The following PC variants were observed in gnomAD, a reference collection of about 807,000 sequenced individuals.
PC encodes pyruvate carboxylase, also known as pyruvate carboxylase, mitochondrial.
In PC, 46 loss-of-function variants were observed where a neutral mutation model predicts 107.8. That is an observed-to-expected ratio of 0.43 (90% CI 0.34 to 0.55). PC has a LOEUF of 0.55. PC is among the 20% of genes least tolerant of loss of function. The pLI is 0.04. For synonymous variants in PC, 662 were observed against 684.7 expected (o/e 0.97, Z 0.52); for missense variants, 1,241 against 1,643.1 (o/e 0.76, Z 4.23).
intron 3 of PC, among the ~76,000 whole-genome samples, chr11:66,906,913 G>C (rs566565267): frequency 2.0e-5 from 3 of 152,176 alleles, no homozygotes; most frequent in Non-Finnish European, 4.4e-5. Context: ...CTGCACTGCT[G>C]TCTGGGAGGT....
intron 1 of PC, among the ~76,000 whole-genome samples, chr11:66,955,243 G>A (rs967288516): frequency 3.3e-5 from 5 of 152,214 alleles, no homozygotes; most frequent in Admixed American, 2.6e-4. Context: ...GGGAACTGTG[G>A]CTTGGGATAA....
At chr11:66,955,635 C>G (rs534382609) in intron 1 of PC, among the ~76,000 whole-genome samples, 16 of 152,288 alleles carry the variant, frequency 1.1e-4, no homozygotes, top group African/African-American at 3.1e-4. Flanking sequence ...TCCCTAAGAG[C>G]AGGGCACAGC....
At position 66,866,148 on chromosome 11, in the gene PC, A is replaced by G. The variant is rs1485805360; in HGVS notation, c.1185+39T>C. 6.3e-7 allele frequency: 1 copy of G among 1,595,860 alleles called. No homozygotes were observed. On this transcript the variant is annotated intron_variant, in intron 11 of 22. Coordinates refer to ENST00000393960, the MANE Select transcript of PC (RefSeq NM_001040716.2). The surrounding 1 kb of genome is among the most constrained non-coding windows in gnomAD (Gnocchi z 5.4). ...CAGGCACCAGGCAGAACCTGTGCAC[A>G]GGTGAGCTGGCATCTCCCTCTGCTC...
chr11:66,862,825 G>A (rs1437571105), intron 12 of PC, among the ~76,000 whole-genome samples: 2 of 152,180 alleles, frequency 1.3e-5, no homozygotes, highest in Non-Finnish European at 2.9e-5. Flanking sequence ...AAGACAAGCC[G>A]AGCTGCCAGC....
At chr11:66,892,854 C>CAAA (rs36052850) in intron 3 of PC, among the ~76,000 whole-genome samples, 12 of 133,360 alleles carry the variant, frequency 9.0e-5, no homozygotes, top group African/African-American at 2.8e-4. Context: ...GACTCCATCT[C>CAAA]AAAAAAAAAA....
At position 66,857,393 on chromosome 11, in the gene PC, A is replaced by C; in HGVS notation, c.1369-4010T>G. 3.5e-5 allele frequency: 8 copies of C among 231,872 alleles called. No individual in the cohort carries two copies. Among genetic ancestry groups the C allele is most frequent in the East Asian group, 8.8e-5 (1 of 11,354 alleles). 14.4% of individuals were successfully genotyped at this position (231,872 alleles called of 1,614,324 possible). ...GGCGCCTTCTCTGGCGGGGGAGGGT[A>C]TGGCGGGGAGTGGGGAGGCGGCTGG... is the stretch of plus-strand genomic sequence containing the variant. On this transcript the variant is annotated intron_variant, in intron 12 of 22. Coordinates refer to ENST00000393960, the MANE Select transcript of PC (RefSeq NM_001040716.2). The surrounding 1 kb of genome is among the most constrained non-coding windows in gnomAD (Gnocchi z 7.1).
rs752420546 is a variant in PC at position 66,858,670 on chromosome 11, C to A, written c.1368+5104G>T. ...CGGTGCCGGGCCCTGGGTGACCCCG[C>A]GCCTACCATGCACTGGGTCGGTCCT... On this transcript the variant is annotated intron_variant, in intron 12 of 22. Transcript: ENST00000393960. This position sits in a 1 kb window ranked among gnomAD's most constrained non-coding sequence, Gnocchi z 5.9. 6.5e-7 allele frequency: 1 copy of A among 1,545,068 alleles called. No homozygotes were observed. Among genetic ancestry groups the A allele is most frequent in the African/African-American group, 1.4e-5 (1 of 73,238 alleles).
At chr11:66,908,414 C>A (rs970042068) in intron 3 of PC, among the ~76,000 whole-genome samples, 1 of 152,020 alleles carries the variant, frequency 6.6e-6, no homozygotes, top group Non-Finnish European at 1.5e-5. Flanking sequence ...GAGCTGGTGA[C>A]CCAGTACGAT....
chr11:66,905,001 T>C (rs1351539374), intron 3 of PC, among the ~76,000 whole-genome samples: 2 of 152,230 alleles, frequency 1.3e-5, no homozygotes, highest in Non-Finnish European at 2.9e-5. Context: ...TTTCAGAAAC[T>C]GTAAACCACA....
chr11:66,921,050 T>C (rs1026095666), intron 3 of PC, among the ~76,000 whole-genome samples: 2 of 150,112 alleles, frequency 1.3e-5, no homozygotes, highest in South Asian at 2.1e-4. Context: ...AGAACAGAAA[T>C]ACAGGCATGA....
In PC at chr11:66,858,904, C is replaced by T. The variant is rs201895033; in HGVS notation, c.1368+4870G>A. On this transcript the variant is annotated intron_variant, in intron 12 of 22. Transcript: ENST00000393960. This position sits in a 1 kb window ranked among gnomAD's most constrained non-coding sequence, Gnocchi z 5.9. ...GCCGAGGGGGGCCGCCCCGGGCCCT[C>T]GGACATCGCCGCCTCCGCTCGCACT... The T allele has an allele frequency of 1.0e-4, 161 of 1,562,480 alleles. 3 individuals are homozygous for T. The highest frequency in any genetic ancestry group is 1.0e-3 in the South Asian group (85 of 85,326).
rs1297692786 is a variant in PC at position 66,858,145 on chromosome 11, G to A, written c.1369-4762C>T. ...ATCCTCAGCGGCAACCAGCTGGGCC[G>A]CATCGCGCCGGGAGCCTTCGACGAC... is the stretch of plus-strand genomic sequence containing the variant. On this transcript the variant is annotated intron_variant, in intron 12 of 22. Transcript: ENST00000393960. This position sits in a 1 kb window ranked among gnomAD's most constrained non-coding sequence, Gnocchi z 5.9. 5 of 1,610,260 alleles carry A rather than the reference G, an allele frequency of 3.1e-6. No individual in the cohort carries two copies. Among genetic ancestry groups the A allele is most frequent in the Middle Eastern group, 1.6e-4 (1 of 6,078 alleles).
At chr11:66,862,151 G>A (rs899987346) in intron 12 of PC, among the ~76,000 whole-genome samples, 1 of 152,170 alleles carries the variant, frequency 6.6e-6, no homozygotes, top group Non-Finnish European at 1.5e-5. Context: ...ACCAGGAGCC[G>A]CAGCAAGGTG....
chr11:66,853,083 G>T, intron 13 of PC, 156 bp downstream of exon 13: 1 of 815,166 alleles, frequency 1.2e-6, no homozygotes. Flanking sequence ...ATGGCAGGGT[G>T]CAGGACAAGA....
In PC at chr11:66,848,889, T is replaced by C; in HGVS notation, c.*10A>G. 6.2e-7 allele frequency: 1 copy of C among 1,613,708 alleles called. No homozygotes were observed. The highest frequency in any genetic ancestry group is 8.5e-7 in the Non-Finnish European group (1 of 1,180,020). ...CTTGGGGATGGCCAGGCTGCCGGTC[T>C]GGGGCAAGATCACTCGATCTCCAGG... On this transcript the variant is annotated 3_prime_UTR_variant, in exon 23 of 23. Transcript: ENST00000393960.
At chr11:66,910,633 C>G (rs770749488) in intron 3 of PC, among the ~76,000 whole-genome samples, 1 of 152,124 alleles carries the variant, frequency 6.6e-6, no homozygotes, top group African/African-American at 2.4e-5. Context: ...GCATCCACCC[C>G]CAGAGTTAAT....
At chr11:66,907,925 A>G (rs1045456083) in intron 3 of PC, 3 of 152,308 alleles carry the variant, frequency 2.0e-5, no homozygotes, top group Non-Finnish European at 4.4e-5. Context: ...TTCTAGGTTA[A>G]TCCCCTGTCA....
intron 12 of PC, among the ~76,000 whole-genome samples, chr11:66,861,432 C>T (rs1339137779): frequency 5.3e-5 from 8 of 152,220 alleles, no homozygotes; most frequent in Non-Finnish European, 1.0e-4. Context: ...GCGCTGCCAC[C>T]GGGCAGCCGA....
rs867893765 is a variant in PC, at chr11:66,866,548, G to T, written c.1023-199C>A. Among the ~76,000 whole-genome samples, 1 of 152,150 alleles carries T rather than the reference G, an allele frequency of 6.6e-6. No homozygotes were observed. Among genetic ancestry groups the T allele is most frequent in the African/African-American group, 2.4e-5 (1 of 41,426 alleles). On this transcript the variant is annotated intron_variant, in intron 10 of 22. Coordinates refer to ENST00000393960, the MANE Select transcript of PC (RefSeq NM_001040716.2). The surrounding 1 kb of genome is among the most constrained non-coding windows in gnomAD (Gnocchi z 5.4). Reference sequence around the variant, plus strand: ...CCCTGCCCTGCTCCCGCCGGGAGCCGACTAAACTACACAGTGCCTGGCAGC... The same window carrying T: ...CCCTGCCCTGCTCCCGCCGGGAGCCTACTAAACTACACAGTGCCTGGCAGC...
Sources: gnomAD v4.1 joint callset for allele counts (sites outside exome capture counted in the v4.1 genomes callset) on GRCh38, gnomAD v4.1.1 for gene constraint, Gnocchi (gnomAD v3.1) non-coding constraint, MANE v1.5 for transcripts, NCBI Gene and HGNC (gene_info 2026-07-23, HGNC 2026-07-21) for gene names.